The following UBE2V2 variants were observed in gnomAD, a reference collection of about 807,000 sequenced individuals.
The protein encoded by UBE2V2 is ubiquitin conjugating enzyme E2 V2, also known as ubiquitin-conjugating enzyme E2 variant 2.
A neutral mutation model predicts 17.2 loss-of-function variants in UBE2V2; 9 were observed. The ratio of observed to expected loss-of-function variants is 0.52; its 90% CI spans 0.32 to 0.91. The LOEUF is 0.91. Among genes scored for constraint, UBE2V2 ranks in the 40% least tolerant of loss-of-function variants. The pLI, the probability that UBE2V2 is intolerant of heterozygous loss-of-function variation, is 0.04. For missense variants in UBE2V2, 133 were observed against 182.6 expected, an observed-to-expected ratio of 0.73 and a Z score of 1.56; for synonymous variants, 61 against 57.5, an observed-to-expected ratio of 1.06 and a Z score of -0.28.
At chr8:48,048,483 A>G (rs1255373557) in intron 2 of UBE2V2, among the ~76,000 whole-genome samples, 1 of 152,162 alleles carries the variant, frequency 6.6e-6, no homozygotes, top group Non-Finnish European at 1.5e-5. Context: ...TTGCTGTATC[A>G]TAGGGGAGTC....
At chr8:48,017,379 T>TG (rs911916562) in intron 1 of UBE2V2, among the ~76,000 whole-genome samples, 3 of 136,622 alleles carry the variant, frequency 2.2e-5, no homozygotes, top group African/African-American at 8.0e-5. Context: ...TCTCTCTCTC[T>TG]TTTTTTTTTT....
At chr8:48,018,373 A>G (rs1185160592) in intron 1 of UBE2V2, among the ~76,000 whole-genome samples, 1 of 152,138 alleles carries the variant, frequency 6.6e-6, no homozygotes, top group African/African-American at 2.4e-5. Context: ...ATTTTTTTCA[A>G]TAAACTTCCT....
chr8:48,035,497 C>A (rs1324069190), intron 1 of UBE2V2, among the ~76,000 whole-genome samples: 1 of 151,828 alleles, frequency 6.6e-6, no homozygotes, highest in Non-Finnish European at 1.5e-5. Flanking sequence ...GTGCCTGGGC[C>A]TGGAGGGTGG....
Position 48,046,158 on chromosome 8 carries a change from C to T in UBE2V2, c.165+2977C>T, listed in dbSNP as rs548036017. Among the ~76,000 whole-genome samples, 8 of 151,804 alleles carry T rather than the reference C, an allele frequency of 5.3e-5. No homozygotes were observed. The East Asian group carries it at 5.8e-4, about 11-fold the overall frequency. On this transcript the variant is annotated intron_variant, in intron 2 of 3. Coordinates refer to ENST00000523111, the MANE Select transcript of UBE2V2 (RefSeq NM_003350.3). ...TTTTTGAGACGGAGTCTTGCTCAGT[C>T]GCTCAGGCTGGAGTGCAGTGGCGCC...
the UBE2V2 span, among the ~76,000 whole-genome samples, chr8:47,997,524 C>T: frequency 1.3e-5 from 2 of 151,924 alleles, no homozygotes; most frequent in African/African-American, 2.4e-5. Context: ...GGGTAGAATA[C>T]AGAATAATAT....
At position 48,053,545 on chromosome 8, in the gene UBE2V2, TC is replaced by T. The variant is rs2091552914; in HGVS notation, c.291+3570del. On this transcript the variant is annotated intron_variant, in intron 3 of 3. Transcript: ENST00000523111. The stretch of plus-strand genomic sequence containing the variant: ...TTCAAGCAATTCTCTTGCCTCAGCC[TC>T]CCAAGTAGCTGGGACCACAGGCATG... Among the ~76,000 whole-genome samples the T allele has an allele frequency of 3.3e-5, 5 of 151,392 alleles. 1 individual carries two copies. The South Asian group carries it at 1.0e-3, about 32-fold the overall frequency.
In UBE2V2 at chr8:48,061,266, G is replaced by A. The variant is rs954435027; in HGVS notation, c.*438G>A. ...AGCAGGTACAATGAATATTGTCACA[G>A]ATGTGTTAATTTTTGAAGCAATGTG... On this transcript the variant is annotated 3_prime_UTR_variant, in exon 4 of 4. Transcript: ENST00000523111. 7 of 152,522 alleles carry A rather than the reference G, an allele frequency of 4.6e-5. No individual in the cohort carries two copies. Among genetic ancestry groups the A allele is most frequent in the African/African-American group, 1.7e-4 (7 of 41,464 alleles). The allele number at this position is 152,522 out of a possible 1,614,324, so 9.4% of individuals were successfully genotyped here. A position where few individuals can be genotyped will look rare whatever the true frequency, so the allele number is the denominator to read the frequency against.
chr8:48,007,422 C>T (rs2091191236), upstream of UBE2V2, among the ~76,000 whole-genome samples: 1 of 152,138 alleles, frequency 6.6e-6, no homozygotes, highest in Admixed American at 6.6e-5. Flanking sequence ...TCTCAGGATA[C>T]AAAATCAATG....
At chr8:48,001,599 A>AAAAAC in the UBE2V2 span, among the ~76,000 whole-genome samples, 8 of 152,278 alleles carry the variant, frequency 5.3e-5, no homozygotes, top group Admixed American at 1.3e-4. Flanking sequence ...ACCCTGTCTC[A>AAAAAC]AAAACAAAAC....
intron 1 of UBE2V2, among the ~76,000 whole-genome samples, chr8:48,025,217 G>C (rs547669852): frequency 6.6e-6 from 1 of 151,730 alleles, no homozygotes; most frequent in African/African-American, 2.4e-5. Flanking sequence ...GATTACAGGC[G>C]TGAGCCACCA....
intron 2 of UBE2V2, among the ~76,000 whole-genome samples, chr8:48,043,805 C>G (rs921234454): frequency 2.0e-5 from 3 of 152,104 alleles, no homozygotes; most frequent in Admixed American, 1.3e-4. Context: ...TATAAAAAGT[C>G]TATGATTCTT....
At chr8:48,016,235 A>G (rs1274084650) in intron 1 of UBE2V2, among the ~76,000 whole-genome samples, 1 of 152,008 alleles carries the variant, frequency 6.6e-6, no homozygotes, top group Non-Finnish European at 1.5e-5. Flanking sequence ...GGTTGATTCT[A>G]TATCTTGCAT....
intron 3 of UBE2V2, among the ~76,000 whole-genome samples, chr8:48,051,300 A>G (rs1027393160): frequency 1.3e-5 from 2 of 152,210 alleles, no homozygotes; most frequent in African/African-American, 2.4e-5. Flanking sequence ...CACGCCACAT[A>G]CAAAATACAT....
intron 1 of UBE2V2, among the ~76,000 whole-genome samples, chr8:48,009,940 G>A (rs1341358369): frequency 6.6e-6 from 1 of 152,128 alleles, no homozygotes; most frequent in Non-Finnish European, 1.5e-5. Flanking sequence ...GCTCGTTAAC[G>A]GGGCCATATC....
chr8:48,006,424 G>A (rs2091183250), upstream of UBE2V2, among the ~76,000 whole-genome samples: 1 of 152,092 alleles, frequency 6.6e-6, no homozygotes, highest in South Asian at 2.1e-4. Context: ...TAGCCTCGCA[G>A]TATAGTTTGA....
chr8:48,028,195 T>C (rs1461017100), intron 1 of UBE2V2, among the ~76,000 whole-genome samples: 2 of 151,432 alleles, frequency 1.3e-5, no homozygotes, highest in African/African-American at 2.4e-5. Flanking sequence ...TGAGCTGGAG[T>C]CTTGCATTGT....
At chr8:48,026,928 C>CT (rs1187087027) in intron 1 of UBE2V2, among the ~76,000 whole-genome samples, 1 of 152,186 alleles carries the variant, frequency 6.6e-6, no homozygotes. Flanking sequence ...AGTGGAACTG[C>CT]TGGGTCATGT....
At chr8:48,060,642 T>C (rs769608573) in intron 3 of UBE2V2, 40 bp from the exon 4 acceptor site, 2 of 1,385,626 alleles carry the variant, frequency 1.4e-6, no homozygotes, top group African/African-American at 1.5e-5. Flanking sequence ...CATAGTACTT[T>C]AAACTTGCTA....
intron 1 of UBE2V2, among the ~76,000 whole-genome samples, chr8:48,019,837 T>G (rs1295083823): frequency 6.6e-6 from 1 of 150,944 alleles, no homozygotes; most frequent in Admixed American, 6.6e-5. Context: ...TAGCCAGGCA[T>G]GGTGCCATAT....
Sources: gnomAD v4.1 joint callset for allele counts (sites outside exome capture counted in the v4.1 genomes callset) on GRCh38, gnomAD v4.1.1 for gene constraint, MANE v1.5 for transcripts, NCBI Gene and HGNC (gene_info 2026-07-23, HGNC 2026-07-21) for gene names.